The following AP3S2 variants were observed in gnomAD, a reference collection of about 807,000 sequenced individuals.
AP3S2 encodes the protein adaptor related protein complex 3 subunit sigma 2.
Under a neutral mutation model 23.4 loss-of-function variants are expected in AP3S2, and 22 were observed. The ratio of observed to expected loss-of-function variants is 0.94; its 90% CI spans 0.67 to 1.34. The LOEUF (loss-of-function observed/expected upper bound fraction) is 1.34. Ranked by LOEUF, AP3S2 falls within the 40% of genes most tolerant of loss-of-function variation. AP3S2 has a pLI of 0.00. For missense variants in AP3S2, 241 were observed against 236.9 expected, an observed-to-expected ratio of 1.02 and a Z score of -0.11; for synonymous variants, 86 against 87.1, an observed-to-expected ratio of 0.99 and a Z score of 0.07.
intron 3 of AP3S2, 29 bp downstream of exon 3, chr15:89,888,492 T>C: frequency 6.2e-7 from 1 of 1,608,664 alleles, no homozygotes; most frequent in Non-Finnish European, 8.5e-7. Context: ...TCTCTAAAGC[T>C]GCTGCCATCA....
At chr15:89,859,956 G>C (rs1032434091) in intron 4 of AP3S2, among the ~76,000 whole-genome samples, 2 of 151,844 alleles carry the variant, frequency 1.3e-5, no homozygotes, top group Non-Finnish European at 2.9e-5. Context: ...AGTAGAGACA[G>C]GGTTTCACCG....
rs17818934 is a variant in AP3S2 at position 89,831,965 on chromosome 15, C to T, written c.*3550G>A. ...TCTCCACAAATTCAGGCTGCCAGTC[C>T]GATGCACTATATCCCAACAATCTGA... On this transcript the variant is annotated 3_prime_UTR_variant, in exon 6 of 6. Coordinates refer to ENST00000336418, the MANE Select transcript of AP3S2 (RefSeq NM_005829.5). 0.019 allele frequency: 2,936 copies of T among 152,320 alleles called. 31 individuals are homozygous for T. The highest frequency in any genetic ancestry group is 0.028 in the Non-Finnish European group (1,936 of 68,042). 9.4% of individuals were successfully genotyped at this position (152,320 alleles called of 1,614,324 possible).
rs1213881442 is a variant in AP3S2, at chr15:89,863,537, A to C, written c.345+7938T>G. Among the ~76,000 whole-genome samples, 36 of 152,226 alleles carry C rather than the reference A, an allele frequency of 2.4e-4. 1 individual carries two copies. The highest frequency in any genetic ancestry group is 2.4e-3 in the Admixed American group (36 of 15,280). Reference sequence around the variant, plus strand: ...TAAACCCTCCTTTAACACAGGAAGAAAAGGAGAGAGAGGAGGTGAAAAAGA... The same window carrying C: ...TAAACCCTCCTTTAACACAGGAAGACAAGGAGAGAGAGGAGGTGAAAAAGA... On this transcript the variant is annotated intron_variant, in intron 4 of 5. Coordinates refer to ENST00000336418, the MANE Select transcript of AP3S2 (RefSeq NM_005829.5).
rs1895091689 is a variant in AP3S2 at position 89,832,191 on chromosome 15, C to T, written c.*3324G>A. On this transcript the variant is annotated 3_prime_UTR_variant, in exon 6 of 6. Transcript: ENST00000336418. ...AGGTCCAGTGGCTCACACCTGTAATCCCAACATGTTTGGGAGGCCAAGGCG... is the reference window on the plus strand; with the variant it reads ...AGGTCCAGTGGCTCACACCTGTAATTCCAACATGTTTGGGAGGCCAAGGCG... The T allele has an allele frequency of 6.6e-6, 1 of 152,150 alleles. No homozygotes were observed. Among genetic ancestry groups the T allele is most frequent in the Non-Finnish European group, 1.5e-5 (1 of 68,044 alleles). The allele number at this position is 152,150 out of a possible 1,614,324, so 9.4% of individuals were successfully genotyped here. A position where few individuals can be genotyped will look rare whatever the true frequency, so the allele number is the denominator to read the frequency against.
chr15:89,893,960 C>G lies in AP3S2; in HGVS notation c.-11G>C, dbSNP rs749767226. The G allele has an allele frequency of 1.5e-5, 24 of 1,551,158 alleles. No individual in the cohort carries two copies. The highest frequency in any genetic ancestry group is 1.7e-5 in the Non-Finnish European group (20 of 1,146,974). On this transcript the variant is annotated 5_prime_UTR_variant, in exon 1 of 6. Transcript: ENST00000336418. ...AATCGCCTGAATCATCTTTGCCAGC[C>G]ACGGTTCTCTCAGCACCGGCTACTC...
intron 4 of AP3S2, 154 bp from the exon 5 acceptor site, chr15:89,837,876 C>T (rs765576161): frequency 7.1e-5 from 55 of 776,052 alleles, no homozygotes; most frequent in East Asian, 1.4e-4. Context: ...AGTGACACAA[C>T]GAGGGGTCTC....
intron 4 of AP3S2, among the ~76,000 whole-genome samples, chr15:89,842,400 C>A (rs559034316): frequency 6.6e-6 from 1 of 152,214 alleles, no homozygotes; most frequent in Non-Finnish European, 1.5e-5. Flanking sequence ...AAAGGTCACA[C>A]TGTATCCCAG....
At chr15:89,879,063 G>C (rs1396558779) in intron 3 of AP3S2, among the ~76,000 whole-genome samples, 1 of 152,172 alleles carries the variant, frequency 6.6e-6, no homozygotes, top group Non-Finnish European at 1.5e-5. Context: ...TTTTTTCGTA[G>C]AGACAAAGTC....
chr15:89,848,116 T>G (rs1895541580), intron 4 of AP3S2, among the ~76,000 whole-genome samples: 1 of 152,216 alleles, frequency 6.6e-6, no homozygotes, highest in African/African-American at 2.4e-5. Flanking sequence ...CCAGGTCCCT[T>G]GCACTGTAGG....
chr15:89,892,479 C>T (rs1288488868), intron 1 of AP3S2, among the ~76,000 whole-genome samples: 2 of 152,026 alleles, frequency 1.3e-5, no homozygotes, highest in South Asian at 2.1e-4. Context: ...CAAGACCAGC[C>T]TGGGCAACAT....
chr15:89,868,136 C>T (rs1187811386), intron 4 of AP3S2, among the ~76,000 whole-genome samples: 1 of 95,830 alleles, frequency 1.0e-5, no homozygotes, highest in East Asian at 3.9e-4. Flanking sequence ...CCCCCCCACC[C>T]GGCCAGCCGC....
intron 4 of AP3S2, among the ~76,000 whole-genome samples, chr15:89,841,656 C>T (rs1478076024): frequency 6.6e-6 from 1 of 152,118 alleles, no homozygotes; most frequent in African/African-American, 2.4e-5. Flanking sequence ...GACGCCTTGC[C>T]TATCTCGATT....
At position 89,835,734 on chromosome 15, in the gene AP3S2, A is replaced by G; in HGVS notation, c.454-91T>C. On this transcript the variant is annotated intron_variant, in intron 5 of 5. Transcript: ENST00000336418. Reference sequence around the variant, plus strand: ...AAAAAAAAAAAAAAGCAAAAACAAAAACAAACAAGCAGGATGGGTGTGGTG... The same window carrying G: ...AAAAAAAAAAAAAAGCAAAAACAAAGACAAACAAGCAGGATGGGTGTGGTG... The G allele has an allele frequency of 1.6e-5, 23 of 1,476,222 alleles. 1 individual carries two copies. In the South Asian group the frequency reaches 2.9e-4, roughly 19 times the overall value. 91.4% of individuals were successfully genotyped at this position (1,476,222 alleles called of 1,614,324 possible).
At chr15:89,851,882 G>GC (rs1350166010) in intron 4 of AP3S2, among the ~76,000 whole-genome samples, 1 of 151,188 alleles carries the variant, frequency 6.6e-6, no homozygotes, top group Non-Finnish European at 1.5e-5. Flanking sequence ...CTACCTGTTT[G>GC]CACTGCTGAT....
intron 4 of AP3S2, among the ~76,000 whole-genome samples, chr15:89,867,721 A>G (rs1281896038): frequency 7.5e-6 from 1 of 133,346 alleles, no homozygotes; most frequent in Non-Finnish European, 1.6e-5. Context: ...CTGGGAGGTA[A>G]GGAGCGTCTC....
At chr15:89,875,804 C>G (rs1242867932) in intron 3 of AP3S2, among the ~76,000 whole-genome samples, 1 of 152,114 alleles carries the variant, frequency 6.6e-6, no homozygotes, top group Non-Finnish European at 1.5e-5. Flanking sequence ...CAAAAGTTAG[C>G]CAGGCGTGGT....
rs1478758151 is a variant in AP3S2 at position 89,831,874 on chromosome 15, T to C, written c.*3641A>G. 2.6e-5 allele frequency: 4 copies of C among 152,196 alleles called. No individual in the cohort carries two copies. The highest frequency in any genetic ancestry group is 5.9e-5 in the Non-Finnish European group (4 of 68,040). The allele number at this position is 152,196 out of a possible 1,614,324, so 9.4% of individuals were successfully genotyped here. A position where few individuals can be genotyped will look rare whatever the true frequency, so the allele number is the denominator to read the frequency against. On this transcript the variant is annotated 3_prime_UTR_variant, in exon 6 of 6. Coordinates refer to ENST00000336418, the MANE Select transcript of AP3S2 (RefSeq NM_005829.5). ...CCCAGCAGGGCACGATGTGATCAGG[T>C]AGGGCGTAGGGAAATGGGTTACTGT...
chr15:89,849,618 T>G (rs967476694), intron 4 of AP3S2, among the ~76,000 whole-genome samples: 1 of 152,218 alleles, frequency 6.6e-6, no homozygotes, highest in South Asian at 2.1e-4. Context: ...CTGCCCACCT[T>G]GGCCTCCCAA....
chr15:89,884,929 G>C (rs528804585), intron 3 of AP3S2, among the ~76,000 whole-genome samples: 2 of 152,264 alleles, frequency 1.3e-5, no homozygotes, highest in South Asian at 2.1e-4. Context: ...TCACAGGCGT[G>C]AGCCGCTGTG....
Sources: gnomAD v4.1 joint callset for allele counts (sites outside exome capture counted in the v4.1 genomes callset) on GRCh38, gnomAD v4.1.1 for gene constraint, MANE v1.5 for transcripts, NCBI Gene and HGNC (gene_info 2026-07-23, HGNC 2026-07-21) for gene names.